Variants in ERBB4 observed in about 807,000 individuals in gnomAD.
The protein encoded by ERBB4 is receptor tyrosine-protein kinase erbB-4.
ERBB4 carries 42 observed loss-of-function variants against 158.0 expected under a neutral mutation model. The ratio of observed to expected loss-of-function variants is 0.27; its 90% CI spans 0.21 to 0.34. The LOEUF is 0.34. ERBB4 is among the 10% of genes least tolerant of loss of function. The probability of loss-of-function intolerance (pLI) is 1.00; values close to 1 mark genes in which losing one functional copy is unlikely to be tolerated. For synonymous variants in ERBB4, 583 were observed against 558.7 expected (o/e 1.04, Z -0.61); for missense variants, 1,333 against 1,624.1 (o/e 0.82, Z 3.08).
At chr2:211,664,144 T>G (rs554871435) in intron 15 of ERBB4, among the ~76,000 whole-genome samples, 1 of 152,364 alleles carries the variant, frequency 6.6e-6, no homozygotes, top group African/African-American at 2.4e-5. Flanking sequence ...AGCTTATTTC[T>G]TGACCTGCAG....
chr2:211,842,100 C>T (rs2077483317), intron 3 of ERBB4, among the ~76,000 whole-genome samples: 1 of 151,978 alleles, frequency 6.6e-6, no homozygotes, highest in African/African-American at 2.4e-5. Context: ...TTACCAATTC[C>T]TAAATTAAGT....
intron 19 of ERBB4, among the ~76,000 whole-genome samples, chr2:211,579,816 G>A (rs2125766130): frequency 6.6e-6 from 1 of 152,150 alleles, no homozygotes; most frequent in Non-Finnish European, 1.5e-5. Context: ...GGTTGGGGGA[G>A]GGAGAACATT....
intron 4 of ERBB4, among the ~76,000 whole-genome samples, chr2:211,774,678 G>T (rs1322788664): frequency 7.9e-5 from 12 of 152,068 alleles, no homozygotes; most frequent in Admixed American, 5.2e-4. Flanking sequence ...GCTAGAGGTG[G>T]TGTTTTTGGT....
chr2:212,118,666 AT>A (rs1575659467), intron 2 of ERBB4, among the ~76,000 whole-genome samples: 2 of 151,986 alleles, frequency 1.3e-5, no homozygotes, highest in East Asian at 3.9e-4. Context: ...AAAATAGGAC[AT>A]TTTCTCTGGT....
chr2:211,694,366 C>T (rs1052101472), intron 12 of ERBB4, among the ~76,000 whole-genome samples: 1 of 152,048 alleles, frequency 6.6e-6, no homozygotes, highest in Non-Finnish European at 1.5e-5. Context: ...TGCAGTAATC[C>T]TGGCTTTTAT....
chr2:212,347,826 T>C (rs923295550), intron 1 of ERBB4, among the ~76,000 whole-genome samples: 4 of 152,250 alleles, frequency 2.6e-5, no homozygotes, highest in South Asian at 4.1e-4. Flanking sequence ...TAATTCAGTA[T>C]ATAAAATATG....
chr2:211,907,057 A>G (rs2079413563), intron 3 of ERBB4, among the ~76,000 whole-genome samples: 1 of 151,784 alleles, frequency 6.6e-6, no homozygotes, highest in African/African-American at 2.4e-5. Flanking sequence ...CTAACATAAC[A>G]GAGTTGTCCT....
At chr2:212,007,375 A>G (rs915456377) in intron 2 of ERBB4, among the ~76,000 whole-genome samples, 1 of 151,800 alleles carries the variant, frequency 6.6e-6, no homozygotes, top group Admixed American at 6.6e-5. Flanking sequence ...TTTTTACTCT[A>G]TTGTTCATTA....
At chr2:211,988,950 T>C (rs538751693) in intron 2 of ERBB4, among the ~76,000 whole-genome samples, 4 of 152,182 alleles carry the variant, frequency 2.6e-5, no homozygotes, top group South Asian at 2.1e-4. Context: ...TGAAACCCCA[T>C]GAATGAATTT....
chr2:211,951,204 C>T (rs138757134), intron 2 of ERBB4, among the ~76,000 whole-genome samples: 123 of 152,186 alleles, frequency 8.1e-4, no homozygotes, highest in African/African-American at 2.7e-3. Context: ...TGTAAAATGT[C>T]ATTGGTTTAT....
chr2:212,318,349 G>A (rs1177482842), intron 1 of ERBB4, among the ~76,000 whole-genome samples: 1 of 151,480 alleles, frequency 6.6e-6, no homozygotes, highest in African/African-American at 2.4e-5. Flanking sequence ...TCATTTGCTT[G>A]TTTTGCAAAA....
chr2:212,493,162 G>T (rs1690371461), intron 1 of ERBB4, among the ~76,000 whole-genome samples: 1 of 151,236 alleles, frequency 6.6e-6, no homozygotes, highest in Non-Finnish European at 1.5e-5. Flanking sequence ...TAGCAAAAAG[G>T]CTAAATTTTA....
intron 2 of ERBB4, among the ~76,000 whole-genome samples, chr2:212,096,440 A>G (rs1027046536): frequency 6.6e-6 from 1 of 152,198 alleles, no homozygotes; most frequent in East Asian, 1.9e-4. Flanking sequence ...GTTATATATT[A>G]GGAGGCATTA....
intron 1 of ERBB4, among the ~76,000 whole-genome samples, chr2:212,276,189 T>C (rs2085527676): frequency 6.6e-6 from 1 of 151,824 alleles, no homozygotes; most frequent in Non-Finnish European, 1.5e-5. Context: ...TTTCATTTTT[T>C]GTTTACCCAT....
chr2:212,023,206 T>C (rs2076695424), intron 2 of ERBB4, among the ~76,000 whole-genome samples: 1 of 152,030 alleles, frequency 6.6e-6, no homozygotes, highest in South Asian at 2.1e-4. Context: ...ATCTGATGAG[T>C]TATATTTATA....
intron 3 of ERBB4, among the ~76,000 whole-genome samples, chr2:211,821,613 A>G (rs2076996151): frequency 6.6e-6 from 1 of 152,004 alleles, no homozygotes; most frequent in Non-Finnish European, 1.5e-5. Flanking sequence ...AATATACTAC[A>G]AAGCTCTAGT....
At chr2:211,547,479 A>G (rs998461155) in intron 20 of ERBB4, among the ~76,000 whole-genome samples, 1 of 152,066 alleles carries the variant, frequency 6.6e-6, no homozygotes, top group African/African-American at 2.4e-5. Flanking sequence ...GCATGCACAC[A>G]CCTGAAAGAT....
intron 1 of ERBB4, among the ~76,000 whole-genome samples, chr2:212,233,693 A>G (rs569367452): frequency 6.6e-6 from 1 of 152,246 alleles, no homozygotes; most frequent in South Asian, 2.1e-4. Flanking sequence ...ATTGAGATGC[A>G]GCCTCTTGTG....
chr2:212,207,361 T>C (rs543340143), intron 1 of ERBB4, among the ~76,000 whole-genome samples: 1 of 152,346 alleles, frequency 6.6e-6, no homozygotes, highest in African/African-American at 2.4e-5. Context: ...AATGGAATTA[T>C]CTGTTTGTTT....
Sources: gnomAD v4.1 joint callset for allele counts (sites outside exome capture counted in the v4.1 genomes callset) on GRCh38, gnomAD v4.1.1 for gene constraint, MANE v1.5 for transcripts, NCBI Gene and HGNC (gene_info 2026-07-23, HGNC 2026-07-21) for gene names.